The following TBC1D16 variants were observed in gnomAD, a reference collection of about 807,000 sequenced individuals.
TBC1D16 encodes CTD-2529O21.1.
In TBC1D16, 58 loss-of-function variants were observed where a neutral mutation model predicts 74.7. That is an observed-to-expected ratio of 0.78 (90% CI 0.63 to 0.97). The LOEUF (loss-of-function observed/expected upper bound fraction) is 0.97. Among genes scored for constraint, TBC1D16 ranks in the 50% least tolerant of loss-of-function variants. TBC1D16 has a pLI of 0.00. For missense variants in TBC1D16, 1,014 were observed against 1,079.5 expected (o/e 0.94, Z 0.85); for synonymous variants, 493 against 474.7 (o/e 1.04, Z -0.50).
chr17:79,970,876 C>G (rs994337735), intron 3 of TBC1D16, among the ~76,000 whole-genome samples: 2 of 32,320 alleles, frequency 6.2e-5, no homozygotes, highest in Non-Finnish European at 1.2e-4. Flanking sequence ...AACGGAGAGT[C>G]AGCCCGGTGC....
At chr17:80,030,939 G>C (rs1365081012) in intron 1 of TBC1D16, among the ~76,000 whole-genome samples, 1 of 152,242 alleles carries the variant, frequency 6.6e-6, no homozygotes, top group African/African-American at 2.4e-5. Flanking sequence ...AAGCAACAAA[G>C]AACAGGGAAA....
rs997307223 is a variant in TBC1D16 at position 80,008,569 on chromosome 17, C to T, written c.779+1591G>A. Among the ~76,000 whole-genome samples the T allele has an allele frequency of 6.6e-6, 1 of 152,130 alleles. No homozygotes were observed. Among genetic ancestry groups the T allele is most frequent in the Admixed American group, 6.5e-5 (1 of 15,280 alleles). On this transcript the variant is annotated intron_variant, in intron 3 of 11. Coordinates refer to ENST00000310924, the MANE Select transcript of TBC1D16 (RefSeq NM_019020.4). The surrounding 1 kb of genome is among the most constrained non-coding windows in gnomAD (Gnocchi z 4.5). ...CTGCAGGTTCTGCTGCACTGTTGGC[C>T]TGGCACCACCAGGGGGAGCTCCGAC... is the stretch of plus-strand genomic sequence containing the variant.
intron 1 of TBC1D16, among the ~76,000 whole-genome samples, chr17:80,033,433 G>C (rs1229063074): frequency 6.6e-6 from 1 of 151,602 alleles, no homozygotes; most frequent in Non-Finnish European, 1.5e-5. Context: ...GAATGCAGAG[G>C]CTGGTCATGG....
In TBC1D16 at chr17:80,001,668, AC is replaced by A. The variant is rs1021326301; in HGVS notation, c.779+8491del. On this transcript the variant is annotated intron_variant, in intron 3 of 11. Coordinates refer to ENST00000310924, the MANE Select transcript of TBC1D16 (RefSeq NM_019020.4). The surrounding 1 kb of genome is among the most constrained non-coding windows in gnomAD (Gnocchi z 5.8). ...ATCCCACCTCCGAGGTCTCTCTGGGACCCAGTTGTCCCTCCCCTGGGTGGCG... is the reference window on the plus strand; with the variant it reads ...ATCCCACCTCCGAGGTCTCTCTGGGACCAGTTGTCCCTCCCCTGGGTGGCG... 2.6e-4 allele frequency among the ~76,000 whole-genome samples: 40 copies of A among 151,998 alleles called. No individual in the cohort carries two copies. Among genetic ancestry groups the A allele is most frequent in the Admixed American group, 2.4e-3 (37 of 15,278 alleles).
chr17:79,965,057 A>G (rs528860244), intron 3 of TBC1D16, among the ~76,000 whole-genome samples: 1 of 148,924 alleles, frequency 6.7e-6, no homozygotes, highest in African/African-American at 2.5e-5. Flanking sequence ...TCTGATAATC[A>G]GAAATAATAA....
Position 80,013,379 on chromosome 17 carries a change from C to T in TBC1D16, c.169G>A (p.Glu57Lys). The T allele has an allele frequency of 1.2e-6, 2 of 1,605,500 alleles. No individual in the cohort carries two copies. The highest frequency in any genetic ancestry group is 1.1e-5 in the South Asian group (1 of 89,568). Reference protein sequence around the residue: ...HPPEGLQGLGEHHPGYLCLYM... With the variant: ...HPPEGLQGLGKHHPGYLCLYM... ...TGCCCTGGCTCACCTGGGTGGTGCT[C>T]CCCCAGCCCCTGCAGCCCCTCCGGC... Residue 57 changes from glutamate to lysine, a missense_variant, in exon 2 of 12, where the codon GAG becomes AAG. Coordinates refer to ENST00000310924, the MANE Select transcript of TBC1D16 (RefSeq NM_019020.4).
At position 79,947,628 on chromosome 17, in the gene TBC1D16, A is replaced by G; in HGVS notation, c.1728+17T>C. On this transcript the variant is annotated intron_variant, in intron 9 of 11. Coordinates refer to ENST00000310924, the MANE Select transcript of TBC1D16 (RefSeq NM_019020.4). ...CCCTCACATGCCCTTGGACGCACCC[A>G]TCCCCCTGAGCCTCACCAGTTGTTT... The G allele has an allele frequency of 6.2e-7, 1 of 1,613,368 alleles. No homozygotes were observed. The highest frequency in any genetic ancestry group is 8.5e-7 in the Non-Finnish European group (1 of 1,179,530).
intron 3 of TBC1D16, among the ~76,000 whole-genome samples, chr17:79,969,175 T>C (rs972054653): frequency 9.9e-5 from 15 of 152,092 alleles, no homozygotes; most frequent in African/African-American, 3.6e-4. Flanking sequence ...TCACCTGAGG[T>C]CAGGAGTTCG....
intron 3 of TBC1D16, among the ~76,000 whole-genome samples, chr17:79,970,650 T>C (rs2034048791): frequency 6.6e-6 from 1 of 151,908 alleles, no homozygotes; most frequent in African/African-American, 2.4e-5. Flanking sequence ...AAACGGGTCA[T>C]GGGGTGCTCT....
chr17:79,978,398 G>A (rs1363701077), intron 3 of TBC1D16, among the ~76,000 whole-genome samples: 1 of 146,882 alleles, frequency 6.8e-6, no homozygotes, highest in Non-Finnish European at 1.5e-5. Context: ...TACCAGCACG[G>A]TTTAGGAAAA....
Position 80,009,174 on chromosome 17 carries a change from C to A in TBC1D16, c.779+986G>T, listed in dbSNP as rs906804318. 6.6e-6 allele frequency among the ~76,000 whole-genome samples: 1 copy of A among 152,262 alleles called. No individual in the cohort carries two copies. ...CCAGACCACCCACGTCCAGCATGCG[C>A]CCGGCTCACACCACGAGCTCAACAG... On this transcript the variant is annotated intron_variant, in intron 3 of 11. Transcript: ENST00000310924. This position sits in a 1 kb window ranked among gnomAD's most constrained non-coding sequence, Gnocchi z 5.4.
rs2143698315 is a variant in TBC1D16, at chr17:79,950,759, C to T, written c.1090-181G>A. Reference sequence around the variant, plus strand: ...GGCGCAATTAAAATGAAAATACCTTCATCTTAAAATCGGTTTCCCTCTGCG... The same window carrying T: ...GGCGCAATTAAAATGAAAATACCTTTATCTTAAAATCGGTTTCCCTCTGCG... On this transcript the variant is annotated intron_variant, in intron 5 of 11. Coordinates refer to ENST00000310924, the MANE Select transcript of TBC1D16 (RefSeq NM_019020.4). The surrounding 1 kb of genome is among the most constrained non-coding windows in gnomAD (Gnocchi z 4.6). 1 of 1,536,736 alleles carries T rather than the reference C, an allele frequency of 6.5e-7. No homozygotes were observed. Among genetic ancestry groups the T allele is most frequent in the Admixed American group, 2.0e-5 (1 of 51,004 alleles).
chr17:79,950,826 T>C lies in TBC1D16; in HGVS notation c.1090-248A>G. 6.5e-7 allele frequency: 1 copy of C among 1,530,068 alleles called. No homozygotes were observed. Among genetic ancestry groups the C allele is most frequent in the Non-Finnish European group, 8.7e-7 (1 of 1,143,218 alleles). 94.8% of individuals were successfully genotyped at this position (1,530,068 alleles called of 1,614,324 possible). On this transcript the variant is annotated intron_variant, in intron 5 of 11. Transcript: ENST00000310924. The surrounding 1 kb of genome is among the most constrained non-coding windows in gnomAD (Gnocchi z 4.6). ...CCCACTGTGCCGCCGCCCCCCACTCTCTCCAACCCCAGCCGCAAAAACGGA... is the reference window on the plus strand; with the variant it reads ...CCCACTGTGCCGCCGCCCCCCACTCCCTCCAACCCCAGCCGCAAAAACGGA...
intron 3 of TBC1D16, among the ~76,000 whole-genome samples, chr17:79,977,594 G>A (rs1395219478): frequency 2.0e-5 from 3 of 152,276 alleles, no homozygotes; most frequent in African/African-American, 4.8e-5. Context: ...GTGAGACGGC[G>A]ATGAGTTGGC....
rs760818845 is a variant in TBC1D16 at position 79,942,694 on chromosome 17, G to A, written c.1909-488C>T. Among the ~76,000 whole-genome samples, 9 of 152,188 alleles carry A rather than the reference G, an allele frequency of 5.9e-5. 1 individual carries two copies. The highest frequency in any genetic ancestry group is 1.2e-4 in the Non-Finnish European group (8 of 68,026). ...CTGGCAGCCACCCACGGGTCAGCCTGTCCTCCTGGCTCCAGGCCACACCCC... is the reference window on the plus strand; with the variant it reads ...CTGGCAGCCACCCACGGGTCAGCCTATCCTCCTGGCTCCAGGCCACACCCC... On this transcript the variant is annotated intron_variant, in intron 10 of 11. Coordinates refer to ENST00000310924, the MANE Select transcript of TBC1D16 (RefSeq NM_019020.4).
chr17:79,990,341 G>A lies in TBC1D16; in HGVS notation c.779+19819C>T, dbSNP rs991910549. 4.6e-5 allele frequency among the ~76,000 whole-genome samples: 7 copies of A among 152,224 alleles called. No homozygotes were observed. The highest frequency in any genetic ancestry group is 1.0e-4 in the Non-Finnish European group (7 of 68,034). ...CCCCGGCCAGCACTCTGGCCACAGC[G>A]CAGCACCTGCCCCATGAGAGCCTCC... On this transcript the variant is annotated intron_variant, in intron 3 of 11. Transcript: ENST00000310924. The surrounding 1 kb of genome is among the most constrained non-coding windows in gnomAD (Gnocchi z 4.8).
chr17:79,940,833 C>T lies in TBC1D16; in HGVS notation c.*26G>A, dbSNP rs780042267. On this transcript the variant is annotated 3_prime_UTR_variant, in exon 12 of 12. Transcript: ENST00000310924. This position sits in a 1 kb window ranked among gnomAD's most constrained non-coding sequence, Gnocchi z 5.4. ...AGGGCCTCTGAGGAGGTCCCCTCAA[C>T]CCCTGTCCGGTGTCGGGGGCCCGAC... is the stretch of plus-strand genomic sequence containing the variant. 2.0e-6 allele frequency: 3 copies of T among 1,514,330 alleles called. No individual in the cohort carries two copies. Among genetic ancestry groups the T allele is most frequent in the Admixed American group, 3.9e-5 (2 of 50,860 alleles). The allele number at this position is 1,514,330 out of a possible 1,614,324, so 93.8% of individuals were successfully genotyped here. A position where few individuals can be genotyped will look rare whatever the true frequency, so the allele number is the denominator to read the frequency against.
intron 3 of TBC1D16, among the ~76,000 whole-genome samples, chr17:79,957,912 T>G (rs1427245983): frequency 6.7e-6 from 1 of 148,568 alleles, no homozygotes; most frequent in African/African-American, 2.5e-5. Context: ...GACACATATA[T>G]GATAAAGATT....
chr17:80,007,420 G>A lies in TBC1D16; in HGVS notation c.779+2740C>T, dbSNP rs1490130612. Among the ~76,000 whole-genome samples the A allele has an allele frequency of 3.3e-5, 5 of 152,226 alleles. No homozygotes were observed. Among genetic ancestry groups the A allele is most frequent in the African/African-American group, 9.6e-5 (4 of 41,452 alleles). On this transcript the variant is annotated intron_variant, in intron 3 of 11. Coordinates refer to ENST00000310924, the MANE Select transcript of TBC1D16 (RefSeq NM_019020.4). This position sits in a 1 kb window ranked among gnomAD's most constrained non-coding sequence, Gnocchi z 4.5. ...TGGATGTGGGAGGTAATGGCCACAA[G>A]ATCACACATAACTCAGGATGATGCC...
Sources: allele counts gnomAD v4.1 joint callset (sites outside exome capture counted in the v4.1 genomes callset), GRCh38; gene constraint gnomAD v4.1.1; non-coding constraint Gnocchi (gnomAD v3.1); transcripts MANE v1.5; gene names NCBI Gene and HGNC (gene_info 2026-07-23, HGNC 2026-07-21).